Variants in STRIT1 observed in about 807,000 individuals in gnomAD.
STRIT1 encodes the protein sarcoplasmic/endoplasmic reticulum calcium ATPase regulator DWORF.
At chr3:155,293,275 C>A (rs994817212) in intron 1 of STRIT1, among the ~76,000 whole-genome samples, 5 of 152,182 alleles carry the variant, frequency 3.3e-5, no homozygotes, top group East Asian at 1.9e-4. Context: ...CTCACATAGC[C>A]ATTTACTAGC....
chr3:155,292,138 C>G (rs958904979), intron 1 of STRIT1, among the ~76,000 whole-genome samples: 1 of 152,056 alleles, frequency 6.6e-6, no homozygotes, highest in Admixed American at 6.6e-5. Flanking sequence ...TTTATAAAAG[C>G]AAACTTTCTG....
intron 1 of STRIT1, among the ~76,000 whole-genome samples, chr3:155,292,263 A>T (rs1021726045): frequency 6.6e-6 from 1 of 152,180 alleles, no homozygotes; most frequent in Admixed American, 6.5e-5. Flanking sequence ...GTGACCTTGT[A>T]TAAGGCATTA....
At position 155,290,758 on chromosome 3, in the gene STRIT1, T is replaced by C. The variant is rs1715616725; in HGVS notation, c.*93A>G. The C allele has an allele frequency of 2.7e-6, 1 of 373,912 alleles. No individual in the cohort carries two copies. Among genetic ancestry groups the C allele is most frequent in the Admixed American group, 4.5e-5 (1 of 22,032 alleles). 23.2% of individuals were successfully genotyped at this position (373,912 alleles called of 1,614,324 possible). ...AAGTTTGTAAAGTGATGTCAAACAT[T>C]GCATTGTTTAACATGAGACATTTAA... On this transcript the variant is annotated 3_prime_UTR_variant, in exon 3 of 3. Coordinates refer to ENST00000489090, the MANE Select transcript of STRIT1 (RefSeq NM_001352129.2).
Position 155,290,267 on chromosome 3 carries a change from T to C in STRIT1, c.*584A>G, listed in dbSNP as rs796115010. On this transcript the variant is annotated 3_prime_UTR_variant, in exon 3 of 3. Coordinates refer to ENST00000489090, the MANE Select transcript of STRIT1 (RefSeq NM_001352129.2). ...CTTTATTTTTTTCCCATCTGATAAG[T>C]GAGCAACAATTCCTCAGTGTAGTTT... is the stretch of plus-strand genomic sequence containing the variant. 5 of 152,224 alleles carry C rather than the reference T, an allele frequency of 3.3e-5. No homozygotes were observed. The highest frequency in any genetic ancestry group is 1.2e-4 in the African/African-American group (5 of 41,536). 9.4% of individuals were successfully genotyped at this position (152,224 alleles called of 1,614,324 possible). A position where few individuals can be genotyped will look rare whatever the true frequency, so the allele number is the denominator to read the frequency against.
intron 1 of STRIT1, 55 bp from the exon 2 acceptor site, chr3:155,291,093 T>C (rs1157839395): frequency 2.3e-5 from 9 of 398,016 alleles, no homozygotes; most frequent in Non-Finnish European, 3.5e-5. Flanking sequence ...TATTAAATTT[T>C]CTGTGTCAAG....
chr3:155,293,248 A>G (rs1397520776), intron 1 of STRIT1, among the ~76,000 whole-genome samples: 1 of 152,134 alleles, frequency 6.6e-6, no homozygotes, highest in Non-Finnish European at 1.5e-5. Context: ...TCAGAGAGGT[A>G]TAGGGACTTC....
intron 1 of STRIT1, among the ~76,000 whole-genome samples, chr3:155,292,813 G>A (rs919891048): frequency 6.6e-6 from 1 of 152,086 alleles, no homozygotes; most frequent in Non-Finnish European, 1.5e-5. Flanking sequence ...CTTCTCTCTT[G>A]TCCAGTTCTG....
rs1017797476 is a variant in STRIT1, at chr3:155,290,719, C to T, written c.*132G>A. 1 of 337,590 alleles carries T rather than the reference C, an allele frequency of 3.0e-6. No individual in the cohort carries two copies. The highest frequency in any genetic ancestry group is 2.1e-5 in the African/African-American group (1 of 47,288). 20.9% of individuals were successfully genotyped at this position (337,590 alleles called of 1,614,324 possible). The stretch of plus-strand genomic sequence containing the variant: ...AGAAATTCTTATGCATACCAAAGTG[C>T]CAGTTTATGATCCAAGTTTGTAAAG... On this transcript the variant is annotated 3_prime_UTR_variant, in exon 3 of 3. Transcript: ENST00000489090.
At position 155,291,052 on chromosome 3, in the gene STRIT1, C is replaced by T. The variant is rs1237018791; in HGVS notation, c.14-14G>A. On this transcript the variant is annotated splice_polypyrimidine_tract_variant and intron_variant, in intron 1 of 2. Coordinates refer to ENST00000489090, the MANE Select transcript of STRIT1 (RefSeq NM_001352129.2). Reference sequence around the variant, plus strand: ...ATGTAGACCCCGCTTTAAAATAAACCGTAGAAAACAGATTATATTGGTCAT... The same window carrying T: ...ATGTAGACCCCGCTTTAAAATAAACTGTAGAAAACAGATTATATTGGTCAT... 3.5e-5 allele frequency: 14 copies of T among 398,234 alleles called. No individual in the cohort carries two copies. Among genetic ancestry groups the T allele is most frequent in the East Asian group, 2.5e-4 (7 of 27,998 alleles). The allele number at this position is 398,234 out of a possible 1,614,324, so 24.7% of individuals were successfully genotyped here. A position where few individuals can be genotyped will look rare whatever the true frequency, so the allele number is the denominator to read the frequency against.
In STRIT1 at chr3:155,290,663, GA is replaced by G. The variant is rs1715614858; in HGVS notation, c.*187del. ...ACATTTTTCTCACTCAGAATATAGA[GA>G]AATTCACTCATAATTTCTTATTGTC... On this transcript the variant is annotated 3_prime_UTR_variant, in exon 3 of 3. Coordinates refer to ENST00000489090, the MANE Select transcript of STRIT1 (RefSeq NM_001352129.2). 1 of 243,358 alleles carries G rather than the reference GA, an allele frequency of 4.1e-6. No homozygotes were observed. Among genetic ancestry groups the G allele is most frequent in the African/African-American group, 2.2e-5 (1 of 44,962 alleles). 15.1% of individuals were successfully genotyped at this position (243,358 alleles called of 1,614,324 possible).
At chr3:155,293,560 C>G (rs1237206687) in intron 1 of STRIT1, 60 bp downstream of exon 1, 2 of 397,464 alleles carry the variant, frequency 5.0e-6, no homozygotes, top group African/African-American at 2.1e-5. Flanking sequence ...CATAAATGAA[C>G]CAAAGTCAAG....
At chr3:155,291,663 A>T (rs1249462988) in intron 1 of STRIT1, among the ~76,000 whole-genome samples, 2 of 152,176 alleles carry the variant, frequency 1.3e-5, no homozygotes, top group Non-Finnish European at 2.9e-5. Context: ...GTTCAGTATA[A>T]CAACCAGCAC....
rs5853720 is a variant in STRIT1 at position 155,290,393 on chromosome 3, C to CTTTTTTTTTTTTTT, written c.*444_*457dup. ...TTTTTATCTCTAGCCCATTTTCTTT[C>CTTTTTTTTTTTTTT]TTTTTTTTTTTTTTTTTTTTTTTTT... On this transcript the variant is annotated 3_prime_UTR_variant, in exon 3 of 3. Transcript: ENST00000489090. The CTTTTTTTTTTTTTT allele has an allele frequency of 2.3e-3, 140 of 59,598 alleles. 30 individuals carry two copies. The highest frequency in any genetic ancestry group is 0.014 in the East Asian group (22 of 1,538). The allele number at this position is 59,598 out of a possible 1,614,324, so 3.7% of individuals were successfully genotyped here.
Position 155,290,416 on chromosome 3 carries a change from T to A in STRIT1, c.*435A>T. 7.4e-6 allele frequency: 1 copy of A among 135,372 alleles called. No individual in the cohort carries two copies. The highest frequency in any genetic ancestry group is 2.5e-4 in the South Asian group (1 of 3,938). The allele number at this position is 135,372 out of a possible 1,614,324, so 8.4% of individuals were successfully genotyped here. Reference sequence around the variant, plus strand: ...TTCTTTTTTTTTTTTTTTTTTTTTTTTTTTGTAGAGATGGGGTCTCTCTCT... The same window carrying A: ...TTCTTTTTTTTTTTTTTTTTTTTTTATTTTGTAGAGATGGGGTCTCTCTCT... On this transcript the variant is annotated 3_prime_UTR_variant, in exon 3 of 3. Transcript: ENST00000489090.
intron 1 of STRIT1, among the ~76,000 whole-genome samples, chr3:155,291,936 GT>G (rs1157009988): frequency 6.6e-6 from 1 of 152,126 alleles, no homozygotes; most frequent in Non-Finnish European, 1.5e-5. Flanking sequence ...ATGTCCCTGT[GT>G]TAAGGACTCA....
At chr3:155,290,913 TAAAC>T (rs1432271669) in intron 2 of STRIT1, 23 bp downstream of exon 2, 14 of 398,272 alleles carry the variant, frequency 3.5e-5, no homozygotes, top group Non-Finnish European at 5.8e-5. Flanking sequence ...AGACTATAAA[TAAAC>T]ATTCAATTAT....
rs771745947 is a variant in STRIT1 at position 155,290,718 on chromosome 3, G to A, written c.*133C>T. Reference sequence around the variant, plus strand: ...AAGAAATTCTTATGCATACCAAAGTGCCAGTTTATGATCCAAGTTTGTAAA... The same window carrying A: ...AAGAAATTCTTATGCATACCAAAGTACCAGTTTATGATCCAAGTTTGTAAA... On this transcript the variant is annotated 3_prime_UTR_variant, in exon 3 of 3. Coordinates refer to ENST00000489090, the MANE Select transcript of STRIT1 (RefSeq NM_001352129.2). 113 of 337,566 alleles carry A rather than the reference G, an allele frequency of 3.3e-4. No individual in the cohort carries two copies. The highest frequency in any genetic ancestry group is 1.5e-3 in the Middle Eastern group (2 of 1,312). 20.9% of individuals were successfully genotyped at this position (337,566 alleles called of 1,614,324 possible). A position where few individuals can be genotyped will look rare whatever the true frequency, so the allele number is the denominator to read the frequency against.
At position 155,290,404 on chromosome 3, in the gene STRIT1, T is replaced by C. The variant is rs1295584234; in HGVS notation, c.*447A>G. On this transcript the variant is annotated 3_prime_UTR_variant, in exon 3 of 3. Transcript: ENST00000489090. ...AGCCCATTTTCTTTCTTTTTTTTTT[T>C]TTTTTTTTTTTTTTTTGTAGAGATG... 2 of 127,928 alleles carry C rather than the reference T, an allele frequency of 1.6e-5. No individual in the cohort carries two copies. The highest frequency in any genetic ancestry group is 5.9e-5 in the African/African-American group (2 of 33,780). 7.9% of individuals were successfully genotyped at this position (127,928 alleles called of 1,614,324 possible).
At chr3:155,293,540 C>T in intron 1 of STRIT1, 80 bp downstream of exon 1, 1 of 397,244 alleles carries the variant, frequency 2.5e-6, no homozygotes. Flanking sequence ...GACTGGGAAA[C>T]ACCAAGAAAC....
Sources: gnomAD v4.1 joint callset for allele counts (sites outside exome capture counted in the v4.1 genomes callset) on GRCh38, gnomAD v4.1.1 for gene constraint, MANE v1.5 for transcripts, NCBI Gene and HGNC (gene_info 2026-07-23, HGNC 2026-07-21) for gene names.